Variants in COL6A3 observed in about 807,000 individuals in gnomAD.
COL6A3 encodes the protein collagen type VI alpha 3 chain, also known as collagen alpha-3(VI) chain.
COL6A3 carries 137 observed loss-of-function variants against 274.1 expected under a neutral mutation model. That is an observed-to-expected ratio of 0.50 (90% confidence interval 0.44 to 0.58). COL6A3 has a LOEUF of 0.58. COL6A3 is among the 20% of genes least tolerant of loss of function. The pLI is 0.00. For missense variants in COL6A3, 3,950 were observed against 4,124.9 expected, an observed-to-expected ratio of 0.96 and a Z score of 1.16; for synonymous variants, 1,650 against 1,650.6, an observed-to-expected ratio of 1.00 and a Z score of 0.01.
At chr2:237,377,980 A>G (rs2077896410) in intron 6 of COL6A3, among the ~76,000 whole-genome samples, 1 of 152,254 alleles carries the variant, frequency 6.6e-6, no homozygotes, top group South Asian at 2.1e-4. Flanking sequence ...TGTGTAATGT[A>G]AATAACATTC....
At chr2:237,393,616 A>G (rs149875678) in intron 3 of COL6A3, among the ~76,000 whole-genome samples, 2 of 152,190 alleles carry the variant, frequency 1.3e-5, no homozygotes, top group East Asian at 1.9e-4. Context: ...CCAACTATCA[A>G]ATGGCTGCAT....
At position 237,364,065 on chromosome 2, in the gene COL6A3, A is replaced by G. The variant is rs1313603208; in HGVS notation, c.5917+285T>C. Among the ~76,000 whole-genome samples, 1 of 152,238 alleles carries G rather than the reference A, an allele frequency of 6.6e-6. No homozygotes were observed. The highest frequency in any genetic ancestry group is 1.5e-5 in the Non-Finnish European group (1 of 68,046). On this transcript the variant is annotated intron_variant, in intron 13 of 43. Transcript: ENST00000295550. The surrounding 1 kb of genome is among the most constrained non-coding windows in gnomAD (Gnocchi z 4.6). ...TTATGTGATGAAGTTAAATGAATCAATACGTCATGATCTTTTGCAAAAGCA... is the reference window on the plus strand; with the variant it reads ...TTATGTGATGAAGTTAAATGAATCAGTACGTCATGATCTTTTGCAAAAGCA...
chr2:237,361,595 A>C lies in COL6A3; in HGVS notation c.6156+144T>G. 2 of 837,778 alleles carry C rather than the reference A, an allele frequency of 2.4e-6. No homozygotes were observed. Among genetic ancestry groups the C allele is most frequent in the South Asian group, 1.4e-5 (1 of 71,352 alleles). The allele number at this position is 837,778 out of a possible 1,614,324, so 51.9% of individuals were successfully genotyped here. ...AGAACAGCACGCAGGTCTGCCCCTC[A>C]GAGCTCCTCCTTCTAACATAAGAAA... On this transcript the variant is annotated intron_variant, in intron 15 of 43. Coordinates refer to ENST00000295550, the MANE Select transcript of COL6A3 (RefSeq NM_004369.4). This position sits in a 1 kb window ranked among gnomAD's most constrained non-coding sequence, Gnocchi z 5.1.
intron 17 of COL6A3, 133 bp downstream of exon 17, chr2:237,359,955 A>G (rs972511654): frequency 4.4e-6 from 4 of 903,744 alleles, no homozygotes; most frequent in Non-Finnish European, 7.2e-6. Flanking sequence ...CTGCCTTCCA[A>G]TGAGAGGTCA....
At chr2:237,397,239 AGGAAG>A (rs1246526008) in intron 1 of COL6A3, among the ~76,000 whole-genome samples, 5 of 142,404 alleles carry the variant, frequency 3.5e-5, no homozygotes, top group African/African-American at 7.8e-5. Flanking sequence ...GAAGAAGTGA[AGGAAG>A]GGAAGGGAAG....
At chr2:237,358,638 A>C in intron 20 of COL6A3, 55 bp from the exon 21 acceptor site, 1 of 1,446,002 alleles carries the variant, frequency 6.9e-7, no homozygotes, top group Non-Finnish European at 9.7e-7. Context: ...TTTTTATCTC[A>C]CCCTAAAAAT....
chr2:237,390,503 T>A (rs914892401), intron 3 of COL6A3, among the ~76,000 whole-genome samples: 1 of 152,258 alleles, frequency 6.6e-6, no homozygotes, highest in Non-Finnish European at 1.5e-5. Flanking sequence ...ATGTTAATGT[T>A]ACAAGGAATC....
chr2:237,348,762 G>C, intron 28 of COL6A3, 99 bp from the exon 29 acceptor site: 1 of 1,039,654 alleles, frequency 9.6e-7, no homozygotes, highest in Non-Finnish European at 1.5e-6. Flanking sequence ...GGATCCTTGA[G>C]CTCCTGAAAT....
Position 237,364,735 on chromosome 2 carries a change from C to A in COL6A3, c.5839-307G>T, listed in dbSNP as rs577138387. Among the ~76,000 whole-genome samples the A allele has an allele frequency of 1.3e-5, 2 of 150,830 alleles. No homozygotes were observed. Among genetic ancestry groups the A allele is most frequent in the Admixed American group, 1.3e-4 (2 of 15,060 alleles). The stretch of plus-strand genomic sequence containing the variant: ...CGAATCATATGCATATGTGTGCATG[C>A]ATGTGTGCGTGCATGTGTGTGCATG... On this transcript the variant is annotated intron_variant, in intron 12 of 43. Transcript: ENST00000295550. This position sits in a 1 kb window ranked among gnomAD's most constrained non-coding sequence, Gnocchi z 4.6.
Position 237,361,757 on chromosome 2 carries a change from G to A in COL6A3, c.6138C>T (p.Ile2046=), listed in dbSNP as rs115401779. The A allele has an allele frequency of 1.3e-4, 211 of 1,614,162 alleles. No individual in the cohort carries two copies. In the African/African-American group the frequency reaches 1.7e-3, roughly 13 times the overall value. ...ACCGTACCTTTGGCCCGATGCTGCC[G>A]ATGGGCCCGCGGTCTCCCCTCTGCC... ...CSGQRGDRGP[I]GSIGPKGIPG... is the part of the protein sequence containing the mutation. The change falls in exon 15 of 44, where the codon ATC becomes ATT. Residue 2046 remains isoleucine (I), a synonymous_variant. Coordinates refer to ENST00000295550, the MANE Select transcript of COL6A3 (RefSeq NM_004369.4). This position sits in a 1 kb window ranked among gnomAD's most constrained non-coding sequence, Gnocchi z 5.1.
At chr2:237,350,475 G>A (rs1345917089) in intron 27 of COL6A3, among the ~76,000 whole-genome samples, 1 of 152,338 alleles carries the variant, frequency 6.6e-6, no homozygotes, top group East Asian at 1.9e-4. Flanking sequence ...AGAAGGCACG[G>A]AAGGCGGTGG....
chr2:237,357,240 T>A, intron 23 of COL6A3, 98 bp downstream of exon 23: 1 of 996,236 alleles, frequency 1.0e-6, no homozygotes, highest in South Asian at 1.3e-5. Context: ...ATTCACTCAC[T>A]GCAGAGCTGT....
chr2:237,395,600 C>T (rs564658664), intron 2 of COL6A3, among the ~76,000 whole-genome samples: 34 of 152,234 alleles, frequency 2.2e-4, no homozygotes, highest in African/African-American at 6.5e-4. Flanking sequence ...TAAATTCATT[C>T]TTTAGTTTGG....
intron 23 of COL6A3, 95 bp downstream of exon 23, chr2:237,357,243 A>G: frequency 9.9e-7 from 1 of 1,007,894 alleles, no homozygotes; most frequent in East Asian, 2.4e-5. Context: ...CACTCACTGC[A>G]GAGCTGTGGA....
chr2:237,397,569 G>T (rs757366762), intron 1 of COL6A3, among the ~76,000 whole-genome samples: 1 of 152,104 alleles, frequency 6.6e-6, no homozygotes, highest in Non-Finnish European at 1.5e-5. Flanking sequence ...AAGTGAATAG[G>T]CAGAGCTCTC....
intron 4 of COL6A3, among the ~76,000 whole-genome samples, chr2:237,385,468 C>A (rs1574735063): frequency 6.6e-6 from 1 of 152,208 alleles, no homozygotes; most frequent in African/African-American, 2.4e-5. Flanking sequence ...TCATCTGGTG[C>A]AACTCCTTTG....
intron 6 of COL6A3, among the ~76,000 whole-genome samples, chr2:237,378,417 C>T (rs939280969): frequency 6.6e-6 from 1 of 152,202 alleles, no homozygotes; most frequent in African/African-American, 2.4e-5. Context: ...ATGGACAGAA[C>T]ATAAGCTGGA....
chr2:237,398,113 C>T (rs1398039445), intron 1 of COL6A3, among the ~76,000 whole-genome samples: 1 of 152,236 alleles, frequency 6.6e-6, no homozygotes, highest in Non-Finnish European at 1.5e-5. Context: ...ACCACAGCAG[C>T]TGGGACCATG....
At chr2:237,335,813 G>A (rs1208004021) in intron 40 of COL6A3, among the ~76,000 whole-genome samples, 1 of 152,210 alleles carries the variant, frequency 6.6e-6, no homozygotes, top group Non-Finnish European at 1.5e-5. Flanking sequence ...CTAAATAGGA[G>A]CTAAAACCTT....
Sources: allele counts gnomAD v4.1 joint callset (sites outside exome capture counted in the v4.1 genomes callset), GRCh38; gene constraint gnomAD v4.1.1; non-coding constraint Gnocchi (gnomAD v3.1); transcripts MANE v1.5; gene names NCBI Gene and HGNC (gene_info 2026-07-23, HGNC 2026-07-21).